SPATA9: variants seen among roughly 807,000 people sequenced by gnomAD.
SPATA9 encodes spermatogenesis associated 9.
Under a neutral mutation model 25.5 loss-of-function variants are expected in SPATA9, and 27 were observed. The observed-to-expected ratio is 1.06, with a 90% CI of 0.78 to 1.46. The LOEUF (loss-of-function observed/expected upper bound fraction) is 1.46. Ranked by LOEUF, SPATA9 falls within the 40% of genes most tolerant of loss-of-function variation. SPATA9 has a pLI of 0.00. For synonymous variants in SPATA9, 102 were observed against 105.7 expected (o/e 0.97, Z 0.21); for missense variants, 282 against 297.5 (o/e 0.95, Z 0.38).
chr5:95,678,455 A>G (rs1465792608), intron 2 of SPATA9, among the ~76,000 whole-genome samples: 4 of 152,232 alleles, frequency 2.6e-5, no homozygotes, highest in Non-Finnish European at 5.9e-5. Flanking sequence ...ATCCAGGAAG[A>G]ACGATTTAGT....
At chr5:95,713,925 T>G in the SPATA9 span, among the ~76,000 whole-genome samples, 1 of 152,176 alleles carries the variant, frequency 6.6e-6, no homozygotes, top group Non-Finnish European at 1.5e-5. Context: ...CATATATATA[T>G]ATAATTTTGT....
chr5:95,686,951 G>A (rs1039429414), upstream of SPATA9, among the ~76,000 whole-genome samples: 7 of 152,014 alleles, frequency 4.6e-5, no homozygotes, highest in South Asian at 8.3e-4. Context: ...TTCCTTTCAC[G>A]GACAGCAAAA....
upstream of SPATA9, among the ~76,000 whole-genome samples, chr5:95,699,025 G>A (rs1277784203): frequency 6.6e-6 from 1 of 152,196 alleles, no homozygotes; most frequent in Non-Finnish European, 1.5e-5. Context: ...GTCAGTGGGA[G>A]CTTTCAGCAT....
the SPATA9 span, among the ~76,000 whole-genome samples, chr5:95,712,707 T>C: frequency 6.6e-6 from 1 of 152,186 alleles, no homozygotes; most frequent in Non-Finnish European, 1.5e-5. Flanking sequence ...TTTTCCCACC[T>C]GAGGCCCCAG....
At chr5:95,659,806 A>G (rs566448162) in intron 4 of SPATA9, among the ~76,000 whole-genome samples, 28 of 152,210 alleles carry the variant, frequency 1.8e-4, no homozygotes, top group Non-Finnish European at 2.9e-4. Flanking sequence ...ACTTTCCCTC[A>G]CTTCCCTGCA....
At chr5:95,674,437 A>C (rs1163090634) in intron 3 of SPATA9, among the ~76,000 whole-genome samples, 1 of 152,142 alleles carries the variant, frequency 6.6e-6, no homozygotes, top group Non-Finnish European at 1.5e-5. Flanking sequence ...TCCTTGGTTT[A>C]GAGGTAAGCA....
the SPATA9 span, among the ~76,000 whole-genome samples, chr5:95,705,224 C>T: frequency 1.3e-5 from 2 of 152,080 alleles, no homozygotes; most frequent in African/African-American, 2.4e-5. Context: ...ACCTCAGCCT[C>T]CTAAAGTGCT....
intron 1 of SPATA9, among the ~76,000 whole-genome samples, chr5:95,693,904 A>G (rs1423400356): frequency 6.6e-6 from 1 of 152,164 alleles, no homozygotes; most frequent in East Asian, 1.9e-4. Context: ...TCACACCTGT[A>G]AATTCCAGAA....
chr5:95,688,224 T>C (rs1284164526), intron 1 of SPATA9, among the ~76,000 whole-genome samples: 1 of 152,142 alleles, frequency 6.6e-6, no homozygotes, highest in East Asian at 1.9e-4. Context: ...AGAATACTAT[T>C]CAGCCATAAA....
At chr5:95,717,635 T>C in the SPATA9 span, 1 of 152,200 alleles carries the variant, frequency 6.6e-6, no homozygotes, top group African/African-American at 2.4e-5. Context: ...ATCTCTGCAT[T>C]GACTAAACCT....
chr5:95,675,681 C>T (rs1235858443), intron 2 of SPATA9, 42 bp from the exon 3 acceptor site: 2 of 1,552,932 alleles, frequency 1.3e-6, no homozygotes, highest in African/African-American at 1.4e-5. Flanking sequence ...GTGTAATCTC[C>T]AGTGCATTAT....
chr5:95,723,353 A>G, the SPATA9 span, among the ~76,000 whole-genome samples: 7 of 152,218 alleles, frequency 4.6e-5, no homozygotes, highest in Non-Finnish European at 1.0e-4. Context: ...CACAACTGAG[A>G]TTACAGCCTT....
chr5:95,730,414 G>A, the SPATA9 span, among the ~76,000 whole-genome samples: 1 of 152,230 alleles, frequency 6.6e-6, no homozygotes, highest in Non-Finnish European at 1.5e-5. Flanking sequence ...CCATTTTGGT[G>A]TTAGTAAGTG....
intron 4 of SPATA9, among the ~76,000 whole-genome samples, chr5:95,662,177 A>G (rs1041282165): frequency 6.6e-6 from 1 of 152,148 alleles, no homozygotes; most frequent in Non-Finnish European, 1.5e-5. Flanking sequence ...CAATAGAAAA[A>G]GGGCTTTTTT....
At chr5:95,730,966 C>A in the SPATA9 span, 6 of 520,284 alleles carry the variant, frequency 1.2e-5, no homozygotes, top group Non-Finnish European at 1.7e-5. Context: ...GGGCTGGAAT[C>A]CCTAGCTTCC....
intron 4 of SPATA9, 109 bp from the exon 5 acceptor site, chr5:95,659,022 C>CCTG: frequency 1.4e-6 from 2 of 1,393,854 alleles, no homozygotes; most frequent in Non-Finnish European, 1.9e-6. Context: ...TCTACATAAT[C>CCTG]TAATAAAAAA....
At chr5:95,705,103 C>T in the SPATA9 span, among the ~76,000 whole-genome samples, 48 of 148,886 alleles carry the variant, frequency 3.2e-4, no homozygotes, top group Non-Finnish European at 3.1e-4. Flanking sequence ...CACCACTGCA[C>T]CTGGCTATTT....
upstream of SPATA9, among the ~76,000 whole-genome samples, chr5:95,687,803 T>G (rs930731055): frequency 6.6e-6 from 1 of 152,216 alleles, no homozygotes; most frequent in Non-Finnish European, 1.5e-5. Flanking sequence ...ATTTGTTGTC[T>G]GTTTCCCCTA....
the SPATA9 span, among the ~76,000 whole-genome samples, chr5:95,716,778 C>G: frequency 8.5e-5 from 13 of 152,144 alleles, no homozygotes; most frequent in Non-Finnish European, 2.9e-5. Flanking sequence ...ATAATCCCCA[C>G]GTGTCATGAG....
Sources: allele counts gnomAD v4.1 joint callset (sites outside exome capture counted in the v4.1 genomes callset), GRCh38; gene constraint gnomAD v4.1.1; transcripts MANE v1.5; gene names NCBI Gene and HGNC (gene_info 2026-07-23, HGNC 2026-07-21).